The following MYCBP variants were observed in gnomAD, a reference collection of about 807,000 sequenced individuals.
MYCBP encodes MYC binding protein.
A neutral mutation model predicts 16.8 loss-of-function variants in MYCBP; 5 were observed. The ratio of observed to expected loss-of-function variants is 0.30; its 90% CI spans 0.16 to 0.63. The LOEUF (loss-of-function observed/expected upper bound fraction) is 0.63, where lower values mean the gene tolerates loss of function less well. Among genes scored for constraint, MYCBP ranks in the 20% least tolerant of loss-of-function variants. The pLI, the probability that MYCBP is intolerant of heterozygous loss-of-function variation, is 0.83. For synonymous variants in MYCBP, 35 were observed against 43.7 expected (o/e 0.80, Z 0.79); for missense variants, 103 against 121.8 (o/e 0.85, Z 0.73).
chr1:38,866,814 G>A, intron 4 of MYCBP, 66 bp downstream of exon 4: 4 of 1,269,610 alleles, frequency 3.2e-6, no homozygotes, highest in Non-Finnish European at 4.3e-6. Flanking sequence ...CCATTTCAGT[G>A]AGGTTTTCAT....
intron 4 of MYCBP, 82 bp from the exon 5 acceptor site, chr1:38,864,796 T>A: frequency 7.9e-7 from 1 of 1,265,206 alleles, no homozygotes; most frequent in East Asian, 2.3e-5. Context: ...ACTGTTATAT[T>A]CAACTTAGTT....
Position 38,873,344 on chromosome 1 carries a change from C to A in MYCBP, c.-39G>T. ...GCGGCGTAGCTGGCGCCGGAGACCG[C>A]GACTGGCGGGTTGGGAGCAGCACTG... On this transcript the variant is annotated 5_prime_UTR_variant, in exon 1 of 5. Transcript: ENST00000397572. 6.3e-7 allele frequency: 1 copy of A among 1,597,142 alleles called. No homozygotes were observed. Among genetic ancestry groups the A allele is most frequent in the Non-Finnish European group, 8.5e-7 (1 of 1,177,360 alleles).
intron 4 of MYCBP, 81 bp downstream of exon 4, chr1:38,866,799 C>T: frequency 8.8e-7 from 1 of 1,141,880 alleles, no homozygotes; most frequent in Non-Finnish European, 1.2e-6. Flanking sequence ...TCCCTCCCCT[C>T]CTGTCCATTT....
chr1:38,866,400 G>A (rs1436491202), intron 4 of MYCBP, among the ~76,000 whole-genome samples: 1 of 149,412 alleles, frequency 6.7e-6, no homozygotes, highest in Non-Finnish European at 1.5e-5. Flanking sequence ...TTTCCAGTAT[G>A]TCTTGCGGTT....
At chr1:38,867,336 C>G (rs1467592373) in intron 3 of MYCBP, among the ~76,000 whole-genome samples, 2 of 151,676 alleles carry the variant, frequency 1.3e-5, no homozygotes, top group African/African-American at 4.8e-5. Flanking sequence ...ATCCCAGCTA[C>G]TTGGGAGACG....
chr1:38,866,044 C>CTTTTTTTTTTT (rs71057153), intron 4 of MYCBP, among the ~76,000 whole-genome samples: 2,752 of 65,636 alleles, frequency 0.042, 503 homozygotes, highest in African/African-American at 0.06. Flanking sequence ...CTAAGAACCT[C>CTTTTTTTTTTT]TTTTTTTTTT....
intron 2 of MYCBP, among the ~76,000 whole-genome samples, chr1:38,869,436 CTCT>C (rs929271381): frequency 3.2e-4 from 48 of 152,138 alleles, no homozygotes; most frequent in African/African-American, 1.2e-3. Context: ...CTCTCTCCTC[CTCT>C]TATTCCCCCA....
At chr1:38,871,280 G>A (rs1325348534) in intron 2 of MYCBP, among the ~76,000 whole-genome samples, 1 of 151,914 alleles carries the variant, frequency 6.6e-6, no homozygotes, top group Non-Finnish European at 1.5e-5. Context: ...TTACCATTCA[G>A]TCTTTCACTT....
At chr1:38,870,024 G>A (rs916644538) in intron 2 of MYCBP, among the ~76,000 whole-genome samples, 3 of 151,918 alleles carry the variant, frequency 2.0e-5, no homozygotes. Context: ...AAAAAAATTA[G>A]CCGGGCATGG....
rs948090804 is a variant in MYCBP, at chr1:38,869,464, G to A, written c.89-1854C>T. Among the ~76,000 whole-genome samples, 4 of 152,022 alleles carry A rather than the reference G, an allele frequency of 2.6e-5. No individual in the cohort carries two copies. The East Asian group carries it at 7.7e-4, about 29-fold the overall frequency. On this transcript the variant is annotated intron_variant, in intron 2 of 4. Transcript: ENST00000397572. ...TTATTCCCCCACCCCATTTCTTTCAGCTTCTCATTTGTCACTGGTACTTGA... is the reference window on the plus strand; with the variant it reads ...TTATTCCCCCACCCCATTTCTTTCAACTTCTCATTTGTCACTGGTACTTGA...
chr1:38,872,689 A>T, intron 2 of MYCBP: 1 of 350,520 alleles, frequency 2.9e-6, no homozygotes, highest in Non-Finnish European at 5.3e-6. Flanking sequence ...CTCCATAAAA[A>T]CCGTAAGGTG....
At chr1:38,866,044 CT>C (rs71057153) in intron 4 of MYCBP, among the ~76,000 whole-genome samples, 26 of 65,716 alleles carry the variant, frequency 4.0e-4, no homozygotes, top group Admixed American at 1.7e-3. Context: ...CTAAGAACCT[CT>C]TTTTTTTTTT....
chr1:38,867,676 C>T, intron 2 of MYCBP, 66 bp from the exon 3 acceptor site: 1 of 1,392,524 alleles, frequency 7.2e-7, no homozygotes, highest in Non-Finnish European at 1.0e-6. Flanking sequence ...AAATTATGTT[C>T]CATTACCCAG....
Position 38,862,769 on chromosome 1 carries a change from G to A in MYCBP, c.*1901C>T, listed in dbSNP as rs540843671. Among the ~76,000 whole-genome samples, 15 of 152,188 alleles carry A rather than the reference G, an allele frequency of 9.9e-5. No homozygotes were observed. The highest frequency in any genetic ancestry group is 1.8e-4 in the Non-Finnish European group (12 of 68,038). ...GCAAGTCAGTTTCACCTAAAAGTGTGATTATCCAACCCACATGTTGCCTTT... is the reference window on the plus strand; with the variant it reads ...GCAAGTCAGTTTCACCTAAAAGTGTAATTATCCAACCCACATGTTGCCTTT... On this transcript the variant is annotated 3_prime_UTR_variant, in exon 5 of 5. Transcript: ENST00000397572.
intron 2 of MYCBP, among the ~76,000 whole-genome samples, chr1:38,869,869 C>CAA (rs57974251): frequency 7.0e-6 from 1 of 142,472 alleles, no homozygotes; most frequent in Non-Finnish European, 1.5e-5. Context: ...CCCAACTCTA[C>CAA]AAAAAAAAAA....
Position 38,867,610 on chromosome 1 carries a change from A to C in MYCBP, c.89T>G (p.Val30Gly). 1 of 1,613,616 alleles carries C rather than the reference A, an allele frequency of 6.2e-7. No individual in the cohort carries two copies. The highest frequency in any genetic ancestry group is 1.1e-5 in the South Asian group (1 of 90,996). The change falls in exon 3 of 5, where the codon GTG (valine) becomes GGG (glycine). Residue 30 changes from valine to glycine, a missense_variant and splice_region_variant. Transcript: ENST00000397572. ...KSGVLDTLTK[V>G]LVALYEEPEK... ...TGGTTCTTCATATAAGGCTACCAAC[A>C]CTGCAAATCAAAAAGCAGAAAAAGC...
At chr1:38,866,786 ACCTC>A in intron 4 of MYCBP, 90 bp downstream of exon 4, 4 of 1,034,746 alleles carry the variant, frequency 3.9e-6, no homozygotes, top group Non-Finnish European at 5.6e-6. Context: ...ATATTCACCC[ACCTC>A]CCTCCCCTCC....
At chr1:38,869,543 A>G (rs1010808326) in intron 2 of MYCBP, among the ~76,000 whole-genome samples, 1 of 152,184 alleles carries the variant, frequency 6.6e-6, no homozygotes, top group Non-Finnish European at 1.5e-5. Context: ...GTGCTGTTCT[A>G]TAGATGAAAT....
intron 4 of MYCBP, among the ~76,000 whole-genome samples, 196 bp downstream of exon 4, chr1:38,866,684 G>A (rs558732659): frequency 9.9e-5 from 15 of 152,238 alleles, no homozygotes; most frequent in African/African-American, 3.4e-4. Flanking sequence ...CAAAGTGCTG[G>A]GATTACAGGC....
Sources: allele counts gnomAD v4.1 joint callset (sites outside exome capture counted in the v4.1 genomes callset), GRCh38; gene constraint gnomAD v4.1.1; transcripts MANE v1.5; gene names NCBI Gene and HGNC (gene_info 2026-07-23, HGNC 2026-07-21).